Variants in SETBP1 observed in about 807,000 individuals in gnomAD.
The protein encoded by SETBP1 is SET binding protein 1.
In SETBP1, 9 loss-of-function variants were observed where a neutral mutation model predicts 101.0. That is an observed-to-expected ratio of 0.09 (90% CI 0.05 to 0.16). The LOEUF (loss-of-function observed/expected upper bound fraction) is 0.16. Ranked by LOEUF, SETBP1 falls within the 10% of genes least tolerant of loss-of-function variation. The pLI is 1.00. For missense variants in SETBP1, 1,858 were observed against 2,033.8 expected, an observed-to-expected ratio of 0.91 and a Z score of 1.66; for synonymous variants, 818 against 788.5, an observed-to-expected ratio of 1.04 and a Z score of -0.63.
At chr18:44,917,067 T>A (rs180825761) in intron 3 of SETBP1, among the ~76,000 whole-genome samples, 11 of 152,330 alleles carry the variant, frequency 7.2e-5, no homozygotes, top group African/African-American at 2.6e-4. Flanking sequence ...GGGAAAGAAA[T>A]TAATAGGTGT....
intron 2 of SETBP1, among the ~76,000 whole-genome samples, chr18:44,782,916 T>A (rs931673821): frequency 1.3e-5 from 2 of 152,168 alleles, no homozygotes; most frequent in Non-Finnish European, 2.9e-5. Flanking sequence ...CCCATTTTCT[T>A]AAAAATTAAT....
intron 1 of SETBP1, 39 bp from the exon 2 acceptor site, chr18:44,701,136 T>G: frequency 2.2e-6 from 1 of 456,072 alleles, no homozygotes; most frequent in East Asian, 3.3e-5. Flanking sequence ...GGGGGTCATT[T>G]TCCTTTCTGC....
At chr18:44,949,836 TTCTC>T in intron 3 of SETBP1, 41 bp from the exon 4 acceptor site, 2 of 1,451,958 alleles carry the variant, frequency 1.4e-6, no homozygotes, top group African/African-American at 1.4e-5. Context: ...TCATCTTTGT[TTCTC>T]TCTCTCTGTC....
At chr18:44,936,781 A>G (rs947966749) in intron 3 of SETBP1, among the ~76,000 whole-genome samples, 2 of 152,208 alleles carry the variant, frequency 1.3e-5, no homozygotes, top group Admixed American at 1.3e-4. Context: ...TCTAAGAGGT[A>G]GAACAAGGTA....
At chr18:45,002,751 C>T (rs926174483) in intron 4 of SETBP1, among the ~76,000 whole-genome samples, 2 of 152,188 alleles carry the variant, frequency 1.3e-5, no homozygotes, top group East Asian at 3.8e-4. Flanking sequence ...TCTGAAGAGA[C>T]ATTATTGAGA....
chr18:45,021,132 A>G (rs913575804), intron 4 of SETBP1, among the ~76,000 whole-genome samples: 17 of 152,256 alleles, frequency 1.1e-4, no homozygotes, highest in African/African-American at 3.6e-4. Context: ...ATAAATAGGT[A>G]ATATGAATAA....
intron 2 of SETBP1, among the ~76,000 whole-genome samples, chr18:44,832,188 A>G (rs1405591320): frequency 6.6e-6 from 1 of 152,214 alleles, no homozygotes; most frequent in East Asian, 1.9e-4. Context: ...TCATTTATAA[A>G]TTTGAAAACA....
chr18:44,835,176 A>G (rs2072470443), intron 2 of SETBP1, among the ~76,000 whole-genome samples: 1 of 152,166 alleles, frequency 6.6e-6, no homozygotes, highest in Non-Finnish European at 1.5e-5. Flanking sequence ...GCACAGGGTC[A>G]GGTCACAGAG....
At chr18:44,792,034 C>T (rs1271369064) in intron 2 of SETBP1, among the ~76,000 whole-genome samples, 5 of 152,122 alleles carry the variant, frequency 3.3e-5, no homozygotes, top group Non-Finnish European at 5.9e-5. Flanking sequence ...TTTCTGTCTG[C>T]CTCTGCTCCA....
chr18:45,047,357 G>A (rs976500016), intron 5 of SETBP1, among the ~76,000 whole-genome samples: 3 of 152,280 alleles, frequency 2.0e-5, no homozygotes, highest in African/African-American at 7.2e-5. Flanking sequence ...CTCTTATGGG[G>A]CAGAGTTTAT....
At chr18:44,778,768 TGGA>T (rs2071060392) in intron 2 of SETBP1, among the ~76,000 whole-genome samples, 2 of 152,006 alleles carry the variant, frequency 1.3e-5, no homozygotes, top group South Asian at 4.2e-4. Context: ...TTCCATGGAG[TGGA>T]GAATTATGGA....
chr18:44,744,712 A>C (rs1159540730), intron 2 of SETBP1, among the ~76,000 whole-genome samples: 1 of 151,206 alleles, frequency 6.6e-6, no homozygotes, highest in African/African-American at 2.4e-5. Flanking sequence ...GCCGAAGCAC[A>C]GCCACCACGC....
chr18:44,879,966 G>A (rs560505354), intron 3 of SETBP1, among the ~76,000 whole-genome samples: 1 of 152,264 alleles, frequency 6.6e-6, no homozygotes, highest in South Asian at 2.1e-4. Flanking sequence ...ACAGAGTATT[G>A]CCTCATTTAA....
chr18:44,950,007 T>C lies in SETBP1; in HGVS notation c.667T>C (p.Ser223Pro), dbSNP rs2071299377. Residue 223 changes from serine (S) to proline (P), a missense_variant, in exon 4 of 6, where the codon TCC (serine) becomes CCC (proline). Physicochemically the swap from Ser to Pro is moderately conservative, Grantham distance 74 (BLOSUM62 -1). Around this residue, in one of 12 missense-constraint regions of SETBP1, gnomAD observed 581 missense variants for 535.1 expected, o/e 1.09. Transcript: ENST00000649279. ...CAGCAGCCAGAACCACATGGACTGG[T>C]CCACCAACTCTGACAGCGGACCCGT... ...KSSSQNHMDW[S>P]TNSDSGPVTQ... 6.2e-7 allele frequency: 1 copy of C among 1,613,946 alleles called. No individual in the cohort carries two copies. The highest frequency in any genetic ancestry group is 1.3e-5 in the African/African-American group (1 of 74,894).
intron 4 of SETBP1, among the ~76,000 whole-genome samples, chr18:45,021,438 T>G (rs2073065819): frequency 6.6e-6 from 1 of 152,230 alleles, no homozygotes; most frequent in Non-Finnish European, 1.5e-5. Context: ...TATCTGCATA[T>G]CTGTCCTCTT....
intron 2 of SETBP1, among the ~76,000 whole-genome samples, chr18:44,773,511 A>G (rs1333087230): frequency 6.6e-6 from 1 of 152,226 alleles, no homozygotes; most frequent in Non-Finnish European, 1.5e-5. Flanking sequence ...TCTTCACAAC[A>G]GAGCATTGAA....
At chr18:45,053,744 T>C (rs553250239) in intron 5 of SETBP1, among the ~76,000 whole-genome samples, 7 of 150,902 alleles carry the variant, frequency 4.6e-5, no homozygotes, top group Non-Finnish European at 1.0e-4. Context: ...GTTTGCTATA[T>C]GGTTCTTTGT....
In SETBP1 at chr18:44,859,509, T is replaced by A. The variant is rs192775217; in HGVS notation, c.487-9721T>A. Reference sequence around the variant, plus strand: ...ATTCAGAGCTATGTCCACATTCCAGTTCTGCCACTTTTTGCTGTCATAACC... The same window carrying A: ...ATTCAGAGCTATGTCCACATTCCAGATCTGCCACTTTTTGCTGTCATAACC... On this transcript the variant is annotated intron_variant, in intron 2 of 5. Coordinates refer to ENST00000649279, the MANE Select transcript of SETBP1 (RefSeq NM_015559.3). Among the ~76,000 whole-genome samples, 93 of 152,316 alleles carry A rather than the reference T, an allele frequency of 6.1e-4. 1 individual carries two copies. The South Asian group carries it at 0.012, about 20-fold the overall frequency.
chr18:45,036,132 G>A (rs2073391838), intron 4 of SETBP1, among the ~76,000 whole-genome samples: 1 of 152,090 alleles, frequency 6.6e-6, no homozygotes, highest in African/African-American at 2.4e-5. Flanking sequence ...AGGAGATCGA[G>A]ACCATCCTGG....
Sources: allele counts gnomAD v4.1 joint callset (sites outside exome capture counted in the v4.1 genomes callset), GRCh38; gene constraint gnomAD v4.1.1; regional missense constraint gnomAD v4.1.1; transcripts MANE v1.5; gene names NCBI Gene and HGNC (gene_info 2026-07-23, HGNC 2026-07-21).